NREP: variants seen among roughly 807,000 people sequenced by gnomAD.
The protein encoded by NREP is neuronal regeneration related protein.
In NREP, 5 loss-of-function variants were observed where a neutral mutation model predicts 8.6. The ratio of observed to expected loss-of-function variants is 0.58; its 90% CI spans 0.30 to 1.22. The LOEUF (loss-of-function observed/expected upper bound fraction) is 1.22. Among genes scored for constraint, NREP ranks in the 50% most tolerant of loss-of-function variants. The pLI, the probability that NREP is intolerant of heterozygous loss-of-function variation, is 0.07. For synonymous variants in NREP, 27 were observed against 28.0 expected (o/e 0.96, Z 0.11); for missense variants, 86 against 82.5 (o/e 1.04, Z -0.17).
intron 2 of NREP, among the ~76,000 whole-genome samples, chr5:111,742,343 A>C (rs1016771839): frequency 2.0e-5 from 3 of 152,142 alleles, no homozygotes; most frequent in African/African-American, 7.2e-5. Context: ...CCACTGATGA[A>C]TATGTGGGAA....
At chr5:111,959,275 A>T (rs568325632) in intron 2 of NREP, among the ~76,000 whole-genome samples, 2 of 152,012 alleles carry the variant, frequency 1.3e-5, no homozygotes, top group East Asian at 1.9e-4. Flanking sequence ...AAATTAGTCT[A>T]TGGTGATTGA....
At chr5:111,852,717 G>C (rs1003645576) in intron 2 of NREP, among the ~76,000 whole-genome samples, 13 of 152,066 alleles carry the variant, frequency 8.5e-5, no homozygotes, top group Non-Finnish European at 2.9e-5. Flanking sequence ...GTCTTCCTTA[G>C]GGTAATATGT....
chr5:111,793,462 A>G (rs1033452349), intron 2 of NREP, among the ~76,000 whole-genome samples: 3 of 152,146 alleles, frequency 2.0e-5, no homozygotes, highest in Non-Finnish European at 2.9e-5. Context: ...CAGTTCAAGA[A>G]GAGAGAGAAT....
chr5:111,813,838 A>C (rs1263557467), intron 2 of NREP, among the ~76,000 whole-genome samples: 1 of 152,108 alleles, frequency 6.6e-6, no homozygotes, highest in African/African-American at 2.4e-5. Flanking sequence ...ACTAATATAC[A>C]TAAGCATGGA....
In NREP at chr5:111,862,361, T is replaced by C. The variant is rs575951898; in HGVS notation, c.135+112913A>G. 2.6e-5 allele frequency among the ~76,000 whole-genome samples: 4 copies of C among 152,290 alleles called. No individual in the cohort carries two copies. In the East Asian group the frequency reaches 7.7e-4, roughly 29 times the overall value. On this transcript the variant is annotated intron_variant, in intron 2 of 3. Coordinates refer to the NREP transcript ENST00000395634. ...AGATAGCAGGGAAGCCAGCTAAGTA[T>C]GTGCACCCACTTCTTTATTCCAGAA... is the stretch of plus-strand genomic sequence containing the variant.
At chr5:111,826,695 T>G (rs115281670) in intron 2 of NREP, among the ~76,000 whole-genome samples, 3,465 of 152,316 alleles carry the variant, frequency 0.023, 51 homozygotes, top group Non-Finnish European at 0.027. Context: ...CCAGCATACC[T>G]GGCTAATTTT....
intron 2 of NREP, among the ~76,000 whole-genome samples, chr5:111,748,050 A>G (rs1434082853): frequency 6.6e-6 from 1 of 152,188 alleles, no homozygotes; most frequent in Non-Finnish European, 1.5e-5. Flanking sequence ...ACCCTCACGC[A>G]TAGTGGCGCC....
At chr5:111,931,171 C>A (rs190156181) in intron 2 of NREP, among the ~76,000 whole-genome samples, 5 of 152,004 alleles carry the variant, frequency 3.3e-5, no homozygotes, top group Non-Finnish European at 5.9e-5. Context: ...GTCCACAATT[C>A]TTTGATTCTC....
At chr5:111,913,480 A>T (rs1754969898) in intron 2 of NREP, among the ~76,000 whole-genome samples, 1 of 152,244 alleles carries the variant, frequency 6.6e-6, no homozygotes, top group Non-Finnish European at 1.5e-5. Flanking sequence ...ATGTGAGAAA[A>T]GGAAGTTGAA....
chr5:111,852,143 G>T (rs1025499996), intron 2 of NREP, among the ~76,000 whole-genome samples: 1 of 152,180 alleles, frequency 6.6e-6, no homozygotes, highest in African/African-American at 2.4e-5. Flanking sequence ...ATTCCACCAG[G>T]TGAGGAGTTC....
At chr5:111,880,588 G>A (rs1754030129) in intron 2 of NREP, among the ~76,000 whole-genome samples, 1 of 151,992 alleles carries the variant, frequency 6.6e-6, no homozygotes, top group African/African-American at 2.4e-5. Context: ...ATTGGATTAG[G>A]GACCATCATA....
intron 3 of NREP, chr5:111,731,973 A>T (rs1395170942): frequency 6.6e-6 from 1 of 152,250 alleles, no homozygotes; most frequent in Non-Finnish European, 1.5e-5. Context: ...TGCCCTGTAC[A>T]GGTATGAACA....
chr5:111,922,521 C>G (rs56405886), intron 2 of NREP, among the ~76,000 whole-genome samples: 1 of 151,968 alleles, frequency 6.6e-6, no homozygotes, highest in East Asian at 1.9e-4. Context: ...GTCTATTTGC[C>G]AGTCCTCCCC....
chr5:111,779,898 A>AT (rs756659184), intron 2 of NREP, among the ~76,000 whole-genome samples: 7 of 151,990 alleles, frequency 4.6e-5, no homozygotes, highest in Non-Finnish European at 1.0e-4. Flanking sequence ...GTGATTTTTT[A>AT]TTATTTTTAT....
chr5:111,941,123 T>A (rs995619055), intron 2 of NREP, among the ~76,000 whole-genome samples: 3 of 152,042 alleles, frequency 2.0e-5, no homozygotes, highest in Non-Finnish European at 4.4e-5. Flanking sequence ...AAGAAATAAA[T>A]GGACATCAAA....
chr5:111,864,465 T>G (rs529368706), intron 2 of NREP, among the ~76,000 whole-genome samples: 1 of 152,086 alleles, frequency 6.6e-6, no homozygotes, highest in African/African-American at 2.4e-5. Context: ...AAAGTAGCTA[T>G]TGGGGAAGGG....
At chr5:111,873,688 GCCTACCCAAATAATCCAGGATAATCCCC>G (rs1417884612) in intron 2 of NREP, among the ~76,000 whole-genome samples, 3 of 152,114 alleles carry the variant, frequency 2.0e-5, no homozygotes, top group African/African-American at 7.2e-5. Flanking sequence ...ATCAGAATGG[GCCTACCCAAATAATCCAGGATAATCCCC>G]CCATGTCAAG....
chr5:111,850,059 T>C lies in NREP; in HGVS notation c.136-114552A>G, dbSNP rs1285925249. Among the ~76,000 whole-genome samples, 3 of 152,192 alleles carry C rather than the reference T, an allele frequency of 2.0e-5. No homozygotes were observed. In the East Asian group the frequency reaches 5.8e-4, roughly 29 times the overall value. On this transcript the variant is annotated intron_variant, in intron 2 of 3. Coordinates refer to the NREP transcript ENST00000395634. The stretch of plus-strand genomic sequence containing the variant: ...TACAGAAGCTAAACTAGTATCCTAA[T>C]ACACTGTCTTTATGTCATTTGACAG...
At chr5:111,773,486 G>A (rs1751285286) in intron 2 of NREP, among the ~76,000 whole-genome samples, 1 of 152,236 alleles carries the variant, frequency 6.6e-6, no homozygotes, top group South Asian at 2.1e-4. Context: ...ATTAGAAGAT[G>A]ATTATTTATT....
Sources: allele counts gnomAD v4.1 joint callset (sites outside exome capture counted in the v4.1 genomes callset), GRCh38; gene constraint gnomAD v4.1.1; transcripts MANE v1.5; gene names NCBI Gene and HGNC (gene_info 2026-07-23, HGNC 2026-07-21).